GMDS: variants seen among roughly 807,000 people sequenced by gnomAD.
GMDS encodes GDP-mannose 4,6-dehydratase, also known as GDP-mannose 4,6 dehydratase.
A neutral mutation model predicts 49.9 loss-of-function variants in GMDS; 20 were observed. The observed-to-expected ratio is 0.40, with a 90% confidence interval of 0.28 to 0.58. The LOEUF (loss-of-function observed/expected upper bound fraction) is 0.58, where lower values mean the gene tolerates loss of function less well. Among genes scored for constraint, GMDS ranks in the 20% least tolerant of loss-of-function variants. The pLI, the probability that GMDS is intolerant of heterozygous loss-of-function variation, is 0.42. For synonymous variants in GMDS, 177 were observed against 178.6 expected (o/e 0.99, Z 0.07); for missense variants, 362 against 481.4 (o/e 0.75, Z 2.32).
chr6:1,638,708 C>T (rs1763239753), intron 9 of GMDS, among the ~76,000 whole-genome samples: 1 of 152,138 alleles, frequency 6.6e-6, no homozygotes, highest in Non-Finnish European at 1.5e-5. Context: ...CTTCAGAGCA[C>T]TCTTTTCTAT....
intron 7 of GMDS, among the ~76,000 whole-genome samples, chr6:1,804,880 T>A (rs1770105721): frequency 6.6e-6 from 1 of 152,240 alleles, no homozygotes; most frequent in African/African-American, 2.4e-5. Flanking sequence ...CATAGAACAC[T>A]AAGCTCTCAA....
At chr6:2,080,110 A>C (rs1168611691) in intron 4 of GMDS, among the ~76,000 whole-genome samples, 1 of 152,118 alleles carries the variant, frequency 6.6e-6, no homozygotes, top group East Asian at 1.9e-4. Context: ...TGTTGAATCT[A>C]ACATTTTTTA....
intron 7 of GMDS, among the ~76,000 whole-genome samples, chr6:1,914,466 CAAAAAAAAA>C (rs551319674): frequency 9.6e-6 from 1 of 104,276 alleles, no homozygotes; most frequent in East Asian, 2.5e-4. Flanking sequence ...GACTCTGTCT[CAAAAAAAAA>C]AAAAAGAAAA....
At chr6:2,099,979 G>A (rs991715324) in intron 4 of GMDS, among the ~76,000 whole-genome samples, 1 of 151,978 alleles carries the variant, frequency 6.6e-6, no homozygotes, top group Non-Finnish European at 1.5e-5. Context: ...AAATTTTGGG[G>A]TTGTAGGAGA....
chr6:1,970,866 G>A (rs1390183522), intron 4 of GMDS, among the ~76,000 whole-genome samples: 1 of 151,990 alleles, frequency 6.6e-6, no homozygotes, highest in Non-Finnish European at 1.5e-5. Context: ...TTAATACCTA[G>A]GTGATGGGAT....
At chr6:1,684,820 A>T (rs1251560426) in intron 9 of GMDS, among the ~76,000 whole-genome samples, 1 of 152,142 alleles carries the variant, frequency 6.6e-6, no homozygotes, top group Non-Finnish European at 1.5e-5. Context: ...ATTATACCTC[A>T]TTAAAGCTGG....
intron 4 of GMDS, among the ~76,000 whole-genome samples, chr6:2,061,088 G>A (rs1771127471): frequency 6.6e-6 from 1 of 152,128 alleles, no homozygotes; most frequent in Non-Finnish European, 1.5e-5. Context: ...TCTGGGAGCA[G>A]AAGGCCGTGA....
intron 1 of GMDS, among the ~76,000 whole-genome samples, chr6:2,158,630 G>GCTAT (rs1157333284): frequency 6.6e-6 from 1 of 152,146 alleles, no homozygotes; most frequent in Non-Finnish European, 1.5e-5. Flanking sequence ...AACCTCTTTG[G>GCTAT]CTATCTGCTG....
At chr6:2,117,873 C>T (rs1208830776) in intron 2 of GMDS, among the ~76,000 whole-genome samples, 1 of 152,186 alleles carries the variant, frequency 6.6e-6, no homozygotes, top group Non-Finnish European at 1.5e-5. Context: ...ACAAAAATAT[C>T]TTTTCCATTT....
chr6:1,761,267 A>G (rs1768143968), intron 7 of GMDS, among the ~76,000 whole-genome samples: 1 of 152,234 alleles, frequency 6.6e-6, no homozygotes, highest in Non-Finnish European at 1.5e-5. Context: ...TGAAATCTGG[A>G]AAAACAAGTA....
chr6:1,813,038 CA>C (rs1770507441), intron 7 of GMDS, among the ~76,000 whole-genome samples: 1 of 151,808 alleles, frequency 6.6e-6, no homozygotes, highest in African/African-American at 2.4e-5. Flanking sequence ...GCTAACACAG[CA>C]AAACCCCATC....
chr6:2,225,926 C>T (rs1780793735), intron 1 of GMDS, among the ~76,000 whole-genome samples: 1 of 152,126 alleles, frequency 6.6e-6, no homozygotes, highest in African/African-American at 2.4e-5. Flanking sequence ...GAGCCAAGGA[C>T]TGCCATTCCA....
intron 4 of GMDS, among the ~76,000 whole-genome samples, chr6:2,016,078 A>T (rs775942293): frequency 0.25 from 29,109 of 118,538 alleles, 3,275 homozygotes; most frequent in Non-Finnish European, 0.28. Context: ...AAAAAAAAAA[A>T]AAATAAATTA....
chr6:2,216,564 A>T (rs752199975), intron 1 of GMDS, among the ~76,000 whole-genome samples: 6 of 152,192 alleles, frequency 3.9e-5, no homozygotes, highest in Non-Finnish European at 7.3e-5. Context: ...GCCTGACTTC[A>T]GTTAAAGAGG....
intron 1 of GMDS, among the ~76,000 whole-genome samples, chr6:2,167,877 C>G (rs1777747680): frequency 1.3e-5 from 2 of 152,172 alleles, no homozygotes; most frequent in African/African-American, 4.8e-5. Flanking sequence ...CCTCTTGTAC[C>G]TTCAATGCCT....
intron 7 of GMDS, among the ~76,000 whole-genome samples, chr6:1,802,298 A>G (rs1769983205): frequency 6.6e-6 from 1 of 152,250 alleles, no homozygotes. Context: ...GTCGTTACTC[A>G]ATCAATATTA....
chr6:1,726,574 A>G (rs1766600233), intron 8 of GMDS, 62 bp from the exon 9 acceptor site: 1 of 1,241,718 alleles, frequency 8.1e-7, no homozygotes, highest in African/African-American at 1.5e-5. Flanking sequence ...GCCATGCTGT[A>G]GCACCTTGGG....
At chr6:1,712,790 G>A (rs774188287) in intron 9 of GMDS, among the ~76,000 whole-genome samples, 1 of 152,100 alleles carries the variant, frequency 6.6e-6, no homozygotes, top group Non-Finnish European at 1.5e-5. Context: ...CCAAGATCAT[G>A]AAACAGGCAG....
chr6:1,853,473 G>C (rs921694715), intron 7 of GMDS, among the ~76,000 whole-genome samples: 4 of 141,468 alleles, frequency 2.8e-5, no homozygotes, highest in Admixed American at 7.3e-5. Flanking sequence ...AGCTGAGATC[G>C]CGCCACTGCA....
Sources: allele counts gnomAD v4.1 joint callset (sites outside exome capture counted in the v4.1 genomes callset), GRCh38; gene constraint gnomAD v4.1.1; transcripts MANE v1.5; gene names NCBI Gene and HGNC (gene_info 2026-07-23, HGNC 2026-07-21).